FGD6: variants seen among roughly 807,000 people sequenced by gnomAD.
The protein encoded by FGD6 is FYVE, RhoGEF and PH domain-containing protein 6.
A neutral mutation model predicts 149.4 loss-of-function variants in FGD6; 90 were observed. The observed-to-expected ratio is 0.60, with a 90% CI of 0.51 to 0.72. The LOEUF is 0.72. FGD6 is among the 30% of genes least tolerant of loss of function. The pLI, the probability that FGD6 is intolerant of heterozygous loss-of-function variation, is 0.00. For synonymous variants in FGD6, 527 were observed against 584.0 expected, an observed-to-expected ratio of 0.90 and a Z score of 1.41; for missense variants, 1,437 against 1,684.8, an observed-to-expected ratio of 0.85 and a Z score of 2.57.
intron 3 of FGD6, among the ~76,000 whole-genome samples, chr12:95,160,414 TTA>T (rs1880604478): frequency 6.6e-6 from 1 of 152,078 alleles, no homozygotes; most frequent in South Asian, 2.1e-4. Flanking sequence ...ACTGGAACCT[TTA>T]TATATTGTTG....
intron 1 of FGD6, 72 bp from the exon 2 acceptor site, chr12:95,211,339 A>C: frequency 1.3e-6 from 2 of 1,489,436 alleles, no homozygotes; most frequent in Non-Finnish European, 1.8e-6. Flanking sequence ...TAAATCTGAT[A>C]GCATTTTTTA....
chr12:95,134,681 A>T (rs1469456005), intron 8 of FGD6, 58 bp downstream of exon 8: 2 of 1,482,774 alleles, frequency 1.3e-6, no homozygotes, highest in Non-Finnish European at 1.9e-6. Context: ...TAAAGGCAAG[A>T]AGAGTTGGCT....
At chr12:95,135,278 A>G (rs976771687) in intron 7 of FGD6, among the ~76,000 whole-genome samples, 1 of 152,218 alleles carries the variant, frequency 6.6e-6, no homozygotes, top group Non-Finnish European at 1.5e-5. Flanking sequence ...CTTGTGGTCA[A>G]TATAGTCAAA....
intron 15 of FGD6, 80 bp downstream of exon 15, chr12:95,094,512 C>A: frequency 1.1e-6 from 1 of 920,060 alleles, no homozygotes. Flanking sequence ...ACACATGTTG[C>A]TTTCTTAAAC....
rs1262351642 is a variant in FGD6, at chr12:95,080,955, T to A, written c.*565A>T. ...TAACAACAGAAATACTTTAGATAAT[T>A]TACTGAAATTTCAGTTCACAGTTAC... On this transcript the variant is annotated 3_prime_UTR_variant, in exon 21 of 21. Coordinates refer to ENST00000343958, the MANE Select transcript of FGD6 (RefSeq NM_018351.4). 1 of 152,226 alleles carries A rather than the reference T, an allele frequency of 6.6e-6. No individual in the cohort carries two copies. The highest frequency in any genetic ancestry group is 1.5e-5 in the Non-Finnish European group (1 of 68,036). The allele number at this position is 152,226 out of a possible 1,614,324, so 9.4% of individuals were successfully genotyped here.
chr12:95,110,798 G>A (rs1309554813), intron 9 of FGD6, among the ~76,000 whole-genome samples: 1 of 152,148 alleles, frequency 6.6e-6, no homozygotes, highest in Non-Finnish European at 1.5e-5. Context: ...TGACAAAGCT[G>A]CTGCTGCTAC....
intron 2 of FGD6, among the ~76,000 whole-genome samples, chr12:95,181,306 G>A (rs1344195254): frequency 6.6e-6 from 1 of 152,158 alleles, no homozygotes; most frequent in East Asian, 1.9e-4. Context: ...TTGTGGGAGA[G>A]CTTCCTGACC....
In FGD6 at chr12:95,077,508, G is replaced by A. The variant is rs1245381321; in HGVS notation, c.*4012C>T. The A allele has an allele frequency of 6.6e-6, 1 of 152,280 alleles. No individual in the cohort carries two copies. Among genetic ancestry groups the A allele is most frequent in the African/African-American group, 2.4e-5 (1 of 41,458 alleles). 9.4% of individuals were successfully genotyped at this position (152,280 alleles called of 1,614,324 possible). ...GGGTAAGAGTTAGCTGGAATGTATG[G>A]CAACTGAGGACGTGTTCCATGCCAA... is the stretch of plus-strand genomic sequence containing the variant. On this transcript the variant is annotated 3_prime_UTR_variant, in exon 21 of 21. Coordinates refer to ENST00000343958, the MANE Select transcript of FGD6 (RefSeq NM_018351.4).
chr12:95,105,330 T>A (rs528353754), intron 13 of FGD6, among the ~76,000 whole-genome samples: 10 of 152,286 alleles, frequency 6.6e-5, no homozygotes, highest in Non-Finnish European at 1.2e-4. Context: ...TGCCTTTCCC[T>A]TACATCTCAG....
At chr12:95,100,032 C>T (rs1878367041) in intron 14 of FGD6, among the ~76,000 whole-genome samples, 1 of 146,230 alleles carries the variant, frequency 6.8e-6, no homozygotes, top group African/African-American at 2.6e-5. Context: ...GTCTCTGATG[C>T]TCCTCAGAGA....
intron 2 of FGD6, among the ~76,000 whole-genome samples, chr12:95,182,131 C>G (rs1026447422): frequency 4.6e-5 from 7 of 151,388 alleles, no homozygotes; most frequent in Non-Finnish European, 7.4e-5. Context: ...AAAATAAAGG[C>G]CATTAGAAAT....
chr12:95,087,196 A>G (rs758529699), intron 18 of FGD6, among the ~76,000 whole-genome samples: 14 of 152,136 alleles, frequency 9.2e-5, no homozygotes, highest in Non-Finnish European at 1.6e-4. Flanking sequence ...AAATAACAAA[A>G]TGTTTAGGAT....
intron 2 of FGD6, among the ~76,000 whole-genome samples, chr12:95,186,225 CTTCTTTTTTTTTTTTTTT>C (rs1381761505): frequency 0.22 from 15,616 of 70,596 alleles, 2,513 homozygotes; most frequent in African/African-American, 0.27. Context: ...TTATATTCTT[CTTCTTTTTTTTTTTTTTT>C]TTTTTTTTTT....
chr12:95,143,089 G>C (rs1879900549), intron 5 of FGD6, among the ~76,000 whole-genome samples: 2 of 152,096 alleles, frequency 1.3e-5, no homozygotes, highest in African/African-American at 4.8e-5. Flanking sequence ...TTTAGAAACA[G>C]CAGTTTTAAT....
chr12:95,216,153 G>A (rs1235607678), intron 1 of FGD6, among the ~76,000 whole-genome samples: 2 of 152,198 alleles, frequency 1.3e-5, no homozygotes, highest in Non-Finnish European at 2.9e-5. Context: ...ATCACAGGGA[G>A]CAATGCAACA....
chr12:95,206,407 G>A lies in FGD6; in HGVS notation c.2441+2436C>T, dbSNP rs568638062. ...ATTTGAAATATTTATGCCAAGAACC[G>A]GTAGTGGTGGCTCATGCCTGTAATC... On this transcript the variant is annotated intron_variant, in intron 2 of 20. Transcript: ENST00000343958. 4.6e-5 allele frequency among the ~76,000 whole-genome samples: 7 copies of A among 152,230 alleles called. No homozygotes were observed. In the South Asian group the frequency reaches 6.2e-4, roughly 14 times the overall value.
intron 2 of FGD6, among the ~76,000 whole-genome samples, chr12:95,200,748 G>A (rs557954849): frequency 2.0e-4 from 31 of 152,252 alleles, no homozygotes; most frequent in African/African-American, 6.7e-4. Context: ...TCTGCCTGCT[G>A]TCAAAACTAC....
At chr12:95,151,794 G>A (rs932772646) in intron 5 of FGD6, among the ~76,000 whole-genome samples, 5 of 152,100 alleles carry the variant, frequency 3.3e-5, no homozygotes, top group Non-Finnish European at 7.4e-5. Flanking sequence ...CACCACATAA[G>A]TAAACTGTCA....
At chr12:95,115,172 T>A (rs1450671304) in intron 8 of FGD6, among the ~76,000 whole-genome samples, 1 of 151,598 alleles carries the variant, frequency 6.6e-6, no homozygotes, top group Non-Finnish European at 1.5e-5. Flanking sequence ...GACACATCTT[T>A]CTCTCACATA....
Sources: gnomAD v4.1 joint callset for allele counts (sites outside exome capture counted in the v4.1 genomes callset) on GRCh38, gnomAD v4.1.1 for gene constraint, MANE v1.5 for transcripts, NCBI Gene and HGNC (gene_info 2026-07-23, HGNC 2026-07-21) for gene names.